PHLPP2: variants seen among roughly 807,000 people sequenced by gnomAD.
PHLPP2 encodes PH domain leucine-rich repeat-containing protein phosphatase 2.
In PHLPP2, 66 loss-of-function variants were observed where a neutral mutation model predicts 124.9. The ratio of observed to expected loss-of-function variants is 0.53; its 90% confidence interval spans 0.43 to 0.65. The LOEUF (loss-of-function observed/expected upper bound fraction) is 0.65, where lower values mean the gene tolerates loss of function less well. Among genes scored for constraint, PHLPP2 ranks in the 30% least tolerant of loss-of-function variants. The pLI is 0.00. For missense variants in PHLPP2, 1,685 were observed against 1,600.4 expected (o/e 1.05, Z -0.90); for synonymous variants, 681 against 624.7 (o/e 1.09, Z -1.34).
intron 18 of PHLPP2, among the ~76,000 whole-genome samples, chr16:71,650,338 A>G (rs1271631092): frequency 6.6e-6 from 1 of 152,186 alleles, no homozygotes; most frequent in Non-Finnish European, 1.5e-5. Context: ...ATAAATAGAG[A>G]AACATGACAG....
intron 8 of PHLPP2, chr16:71,677,747 G>C (rs558618987): frequency 4.6e-5 from 7 of 151,464 alleles, no homozygotes; most frequent in African/African-American, 1.5e-4. Flanking sequence ...ATTATGACTA[G>C]AAAATAAAAC....
intron 10 of PHLPP2, among the ~76,000 whole-genome samples, chr16:71,671,044 A>G (rs1184299178): frequency 6.6e-6 from 1 of 152,120 alleles, no homozygotes; most frequent in Non-Finnish European, 1.5e-5. Context: ...CAAAGAACCA[A>G]TAAGCTCCAG....
chr16:71,650,260 G>A (rs1219924921), intron 18 of PHLPP2, among the ~76,000 whole-genome samples: 1 of 152,212 alleles, frequency 6.6e-6, no homozygotes, highest in African/African-American at 2.4e-5. Flanking sequence ...GTAAAAATAA[G>A]TGACTAAAAG....
intron 4 of PHLPP2, among the ~76,000 whole-genome samples, chr16:71,687,022 A>G (rs1386076033): frequency 1.3e-5 from 2 of 152,248 alleles, no homozygotes; most frequent in Non-Finnish European, 2.9e-5. Context: ...CTGTTTTGCA[A>G]AGTAACTTCA....
chr16:71,723,319 G>T (rs1005129105), intron 1 of PHLPP2: 2 of 152,440 alleles, frequency 1.3e-5, no homozygotes, highest in Non-Finnish European at 2.9e-5. Context: ...TCCCGCTGGG[G>T]TGATGTCTTC....
chr16:71,662,056 T>G (rs1357578481), intron 13 of PHLPP2, among the ~76,000 whole-genome samples: 1 of 151,606 alleles, frequency 6.6e-6, no homozygotes, highest in Admixed American at 6.6e-5. Context: ...TTTCTTGACC[T>G]CGTGATCCGC....
intron 1 of PHLPP2, among the ~76,000 whole-genome samples, chr16:71,719,837 G>A (rs1434459212): frequency 6.6e-6 from 1 of 151,952 alleles, no homozygotes; most frequent in Non-Finnish European, 1.5e-5. Flanking sequence ...TCCCTCTGTT[G>A]CCCAGGCTGG....
chr16:71,693,060 G>A (rs186022589), intron 3 of PHLPP2, among the ~76,000 whole-genome samples: 1 of 152,268 alleles, frequency 6.6e-6, no homozygotes, highest in Non-Finnish European at 1.5e-5. Flanking sequence ...GGAGGCTGAG[G>A]CGGGCGGATC....
chr16:71,691,226 G>A (rs531417773), intron 3 of PHLPP2, among the ~76,000 whole-genome samples: 1 of 152,208 alleles, frequency 6.6e-6, no homozygotes, highest in African/African-American at 2.4e-5. Context: ...GGGCCAAGGC[G>A]GGCATATCAC....
chr16:71,711,199 C>T (rs964780700), intron 2 of PHLPP2, among the ~76,000 whole-genome samples: 4 of 152,034 alleles, frequency 2.6e-5, no homozygotes, highest in Non-Finnish European at 2.9e-5. Context: ...AGTGTGGTGG[C>T]TCATGCCTGT....
chr16:71,656,961 T>G (rs1006116353), intron 15 of PHLPP2, among the ~76,000 whole-genome samples: 10 of 151,726 alleles, frequency 6.6e-5, no homozygotes, highest in African/African-American at 2.4e-4. Context: ...ATTTATTTTT[T>G]TGAGACGATC....
chr16:71,723,694 G>A lies in PHLPP2; in HGVS notation c.-7+635C>T, dbSNP rs931354485. On this transcript the variant is annotated intron_variant, in intron 1 of 18. Transcript: ENST00000568954. Reference sequence around the variant, plus strand: ...GGGGCGGGGGCGGCAGCGGCCTCTAGCCTCCCTCGTTCCCTCCCTAGTCCG... The same window carrying A: ...GGGGCGGGGGCGGCAGCGGCCTCTAACCTCCCTCGTTCCCTCCCTAGTCCG... 7.4e-6 allele frequency: 5 copies of A among 676,424 alleles called. No homozygotes were observed. The African/African-American group carries it at 7.6e-5, about 10-fold the overall frequency. The allele number at this position is 676,424 out of a possible 1,614,324, so 41.9% of individuals were successfully genotyped here. A position where few individuals can be genotyped will look rare whatever the true frequency, so the allele number is the denominator to read the frequency against.
chr16:71,676,120 A>T (rs937306810), intron 9 of PHLPP2, among the ~76,000 whole-genome samples: 1 of 152,174 alleles, frequency 6.6e-6, no homozygotes, highest in Non-Finnish European at 1.5e-5. Context: ...GGCCAGATGC[A>T]GTCCTGGGGT....
intron 3 of PHLPP2, chr16:71,698,598 T>C (rs972505904): frequency 1.6e-6 from 1 of 618,020 alleles, no homozygotes; most frequent in Non-Finnish European, 3.1e-6. Flanking sequence ...GAGCAACCCA[T>C]ACAAGAAACA....
chr16:71,679,398 T>C lies in PHLPP2; in HGVS notation c.1028A>G (p.Asn343Ser), dbSNP rs139051907. ...AGTAAAAGTTACTTACTTTAGCAGA[T>C]TGCCAATTTGACTTGGTAGGTCATG... ...GFHDLPSQIG[N>S]LLNLQTLCLD... The change falls in exon 7 of 19, where the codon AAT becomes AGT. Residue 343 changes from asparagine to serine, a missense_variant. Coordinates refer to ENST00000568954, the MANE Select transcript of PHLPP2 (RefSeq NM_015020.3). 209 of 1,613,906 alleles carry C rather than the reference T, an allele frequency of 1.3e-4. No homozygotes were observed. The East Asian group carries it at 4.4e-3, about 34-fold the overall frequency.
intron 8 of PHLPP2, chr16:71,677,548 G>C (rs965942647): frequency 4.8e-5 from 7 of 147,190 alleles, no homozygotes; most frequent in Non-Finnish European, 8.9e-5. Flanking sequence ...TTCTACACAG[G>C]TGTATGATTT....
At chr16:71,667,796 G>A (rs1175836707) in intron 11 of PHLPP2, among the ~76,000 whole-genome samples, 1 of 152,178 alleles carries the variant, frequency 6.6e-6, no homozygotes, top group Non-Finnish European at 1.5e-5. Flanking sequence ...ATTTGCCTAA[G>A]ATTTCACACT....
At chr16:71,651,338 C>CA (rs755227989) in intron 18 of PHLPP2, among the ~76,000 whole-genome samples, 2,211 of 121,646 alleles carry the variant, frequency 0.018, 21 homozygotes, top group African/African-American at 0.027. Flanking sequence ...AATTCTGCCT[C>CA]AAAAAAAAAA....
rs192508163 is a variant in PHLPP2, at chr16:71,695,483, C to T, written c.419-4774G>A. ...CAGCACTTTGGGAGGCCAAGGCCGT[C>T]GGATCACCTGAGGTCAGGAGTTCAA... On this transcript the variant is annotated intron_variant, in intron 3 of 18. Coordinates refer to ENST00000568954, the MANE Select transcript of PHLPP2 (RefSeq NM_015020.3). Among the ~76,000 whole-genome samples the T allele has an allele frequency of 2.4e-3, 362 of 152,230 alleles. 1 individual carries two copies. Among genetic ancestry groups the T allele is most frequent in the South Asian group, 9.5e-3 (46 of 4,818 alleles).
Sources: gnomAD v4.1 joint callset for allele counts (sites outside exome capture counted in the v4.1 genomes callset) on GRCh38, gnomAD v4.1.1 for gene constraint, MANE v1.5 for transcripts, NCBI Gene and HGNC (gene_info 2026-07-23, HGNC 2026-07-21) for gene names.